HERC3: variants seen among roughly 807,000 people sequenced by gnomAD.
HERC3 encodes HECT and RLD domain containing E3 ubiquitin protein ligase 3, also known as probable E3 ubiquitin-protein ligase HERC3.
In HERC3, 58 loss-of-function variants were observed where a neutral mutation model predicts 129.9. The ratio of observed to expected loss-of-function variants is 0.45; its 90% CI spans 0.36 to 0.56. The LOEUF (loss-of-function observed/expected upper bound fraction) is 0.56, where lower values mean the gene tolerates loss of function less well. HERC3 is among the 20% of genes least tolerant of loss of function. HERC3 has a pLI of 0.00. For missense variants in HERC3, 835 were observed against 1,244.2 expected (o/e 0.67, Z 4.95); for synonymous variants, 430 against 451.0 (o/e 0.95, Z 0.59).
intron 3 of HERC3, among the ~76,000 whole-genome samples, chr4:88,640,273 A>G (rs1727930167): frequency 6.6e-6 from 1 of 152,224 alleles, no homozygotes; most frequent in Non-Finnish European, 1.5e-5. Context: ...ACAGATGCAC[A>G]CATATGTTTA....
chr4:88,643,675 T>G (rs535600648), intron 3 of HERC3, among the ~76,000 whole-genome samples: 2 of 152,180 alleles, frequency 1.3e-5, no homozygotes, highest in East Asian at 1.9e-4. Context: ...AGTGGAACAC[T>G]TGGACATTCA....
intron 3 of HERC3, among the ~76,000 whole-genome samples, chr4:88,622,989 C>A (rs562046953): frequency 6.6e-6 from 1 of 152,022 alleles, no homozygotes; most frequent in African/African-American, 2.4e-5. Flanking sequence ...AGGGTTATTG[C>A]GAGGATTAAT....
intron 18 of HERC3, 92 bp downstream of exon 18, chr4:88,676,515 T>C: frequency 3.3e-6 from 3 of 898,830 alleles, no homozygotes; most frequent in African/African-American, 1.7e-5. Flanking sequence ...AGAAAACATA[T>C]TTGGTTGAAA....
At chr4:88,674,341 C>G (rs1334646928) in intron 16 of HERC3, among the ~76,000 whole-genome samples, 1 of 152,146 alleles carries the variant, frequency 6.6e-6, no homozygotes, top group African/African-American at 2.4e-5. Flanking sequence ...TGCATTACAC[C>G]AACTAAAATG....
At chr4:88,697,088 A>T in intron 23 of HERC3, 1 of 958,800 alleles carries the variant, frequency 1.0e-6, no homozygotes, top group South Asian at 2.3e-5. Context: ...ATGTCAGAAT[A>T]AATTCACATT....
In HERC3 at chr4:88,620,802, C is replaced by A. The variant is rs534639647; in HGVS notation, c.226+14753C>A. Among the ~76,000 whole-genome samples the A allele has an allele frequency of 4.6e-5, 7 of 152,254 alleles. No homozygotes were observed. The East Asian group carries it at 1.4e-3, about 29-fold the overall frequency. On this transcript the variant is annotated intron_variant, in intron 3 of 25. Coordinates refer to ENST00000402738, the MANE Select transcript of HERC3 (RefSeq NM_014606.3). ...GAGTGTTTACCCTGCTATTCTGTAACTTGGGAACTATCTAGGACCTATGTT... is the reference window on the plus strand; with the variant it reads ...GAGTGTTTACCCTGCTATTCTGTAAATTGGGAACTATCTAGGACCTATGTT...
intron 3 of HERC3, among the ~76,000 whole-genome samples, chr4:88,627,891 C>T (rs999542273): frequency 5.9e-5 from 7 of 117,868 alleles, no homozygotes; most frequent in South Asian, 2.7e-4. Context: ...GCAACAAAAG[C>T]GAAACTCCGT....
At position 88,708,142 on chromosome 4, in the gene HERC3, T is replaced by A. The variant is rs990871196; in HGVS notation, c.*1182T>A. On this transcript the variant is annotated 3_prime_UTR_variant, in exon 26 of 26. Coordinates refer to ENST00000402738, the MANE Select transcript of HERC3 (RefSeq NM_014606.3). ...CTTTATCACATTCGAAATGTTTGTT[T>A]ACAGTGGGATTTTAGGGGGGATTGT... 1 of 152,600 alleles carries A rather than the reference T, an allele frequency of 6.6e-6. No homozygotes were observed. The highest frequency in any genetic ancestry group is 6.5e-5 in the Admixed American group (1 of 15,282). The allele number at this position is 152,600 out of a possible 1,614,324, so 9.5% of individuals were successfully genotyped here. A position where few individuals can be genotyped will look rare whatever the true frequency, so the allele number is the denominator to read the frequency against.
chr4:88,654,046 A>C lies in HERC3; in HGVS notation c.690A>C (p.Arg230=). Residue 230 remains arginine (R), a synonymous_variant, in exon 7 of 26, where the codon CGA becomes CGC. Transcript: ENST00000402738. ...CTGATATTTAATTTATTCTAGATCG[A>C]GAATCTCCATGCCATGTAAAACTCT... ...GQLGLSDEKD[R]ESPCHVKLLR... is the part of the protein sequence containing the mutation. 1 of 1,607,714 alleles carries C rather than the reference A, an allele frequency of 6.2e-7. No homozygotes were observed. Among genetic ancestry groups the C allele is most frequent in the Non-Finnish European group, 8.5e-7 (1 of 1,174,550 alleles).
the HERC3 span, among the ~76,000 whole-genome samples, chr4:88,582,062 T>C: frequency 1.3e-5 from 2 of 152,180 alleles, no homozygotes; most frequent in Admixed American, 6.5e-5. Flanking sequence ...TCCTTCTCAA[T>C]GCATATTAGA....
chr4:88,704,612 T>C lies in HERC3; in HGVS notation c.2944+2T>C. 6.7e-7 allele frequency: 1 copy of C among 1,502,798 alleles called. No homozygotes were observed. The highest frequency in any genetic ancestry group is 9.3e-7 in the Non-Finnish European group (1 of 1,078,842). 93.1% of individuals were successfully genotyped at this position (1,502,798 alleles called of 1,614,324 possible). On this transcript the variant is annotated splice_donor_variant, in intron 25 of 25. Transcript: ENST00000402738. LOFTEE classifies it high-confidence loss of function. The stretch of plus-strand genomic sequence containing the variant: ...TGGAAAAGAAGAAGAAGTTTCTCTG[T>C]AAGTATCAGTAATCTCAATATGGTA...
chr4:88,687,993 A>G (rs758140286), intron 23 of HERC3, among the ~76,000 whole-genome samples: 1 of 152,212 alleles, frequency 6.6e-6, no homozygotes, highest in Non-Finnish European at 1.5e-5. Flanking sequence ...TGTGCCAGCC[A>G]TAGTGCTGGG....
chr4:88,558,688 G>A, the HERC3 span, among the ~76,000 whole-genome samples: 1 of 152,016 alleles, frequency 6.6e-6, no homozygotes, highest in Non-Finnish European at 1.5e-5. Flanking sequence ...GAGAGGCCAG[G>A]CGCGGTGGCT....
chr4:88,629,705 A>G (rs1726529200), intron 3 of HERC3, among the ~76,000 whole-genome samples: 1 of 152,214 alleles, frequency 6.6e-6, no homozygotes, highest in Middle Eastern at 3.2e-3. Flanking sequence ...TTTGTATCAT[A>G]ACTTTAATTT....
Position 88,707,147 on chromosome 4 carries a change from G to T in HERC3, c.*187G>T. 1 of 597,000 alleles carries T rather than the reference G, an allele frequency of 1.7e-6. No homozygotes were observed. Among genetic ancestry groups the T allele is most frequent in the Middle Eastern group, 4.5e-4 (1 of 2,216 alleles). The allele number at this position is 597,000 out of a possible 1,614,324, so 37.0% of individuals were successfully genotyped here. On this transcript the variant is annotated 3_prime_UTR_variant, in exon 26 of 26. Coordinates refer to ENST00000402738, the MANE Select transcript of HERC3 (RefSeq NM_014606.3). ...AAACAACCTTTTTGAAAAATTAGAG[G>T]TTGGGGATGGGGTGAAAAATTGGCC...
chr4:88,628,661 G>A (rs1726401108), intron 3 of HERC3, among the ~76,000 whole-genome samples: 1 of 152,176 alleles, frequency 6.6e-6, no homozygotes, highest in Non-Finnish European at 1.5e-5. Flanking sequence ...TAGAAATTGA[G>A]TGGGATTAAC....
At chr4:88,540,463 C>T in the HERC3 span, among the ~76,000 whole-genome samples, 207 of 152,268 alleles carry the variant, frequency 1.4e-3, no homozygotes, top group Admixed American at 2.9e-3. Context: ...ACCAAATCTA[C>T]GTTTGACTGG....
chr4:88,591,616 A>G (rs1181523919), upstream of HERC3, among the ~76,000 whole-genome samples: 1 of 152,022 alleles, frequency 6.6e-6, no homozygotes, highest in Non-Finnish European at 1.5e-5. Context: ...ACATGAAGTC[A>G]CCTTTCTGAG....
At chr4:88,697,903 G>C in intron 23 of HERC3, 1 of 1,048,018 alleles carries the variant, frequency 9.5e-7, no homozygotes, top group East Asian at 2.6e-5. Context: ...CTGCTTTCGC[G>C]GCACTTGACT....
Sources: gnomAD v4.1 joint callset for allele counts (sites outside exome capture counted in the v4.1 genomes callset) on GRCh38, gnomAD v4.1.1 for gene constraint, MANE v1.5 for transcripts, NCBI Gene and HGNC (gene_info 2026-07-23, HGNC 2026-07-21) for gene names.